ARMC1: variants seen among roughly 807,000 people sequenced by gnomAD.
The protein encoded by ARMC1 is armadillo repeat-containing protein 1.
In ARMC1, 16 loss-of-function variants were observed where a neutral mutation model predicts 31.4. The ratio of observed to expected loss-of-function variants is 0.51; its 90% CI spans 0.34 to 0.77. The LOEUF (loss-of-function observed/expected upper bound fraction) is 0.77. Ranked by LOEUF, ARMC1 falls within the 30% of genes least tolerant of loss-of-function variation. The pLI is 0.01. For missense variants in ARMC1, 259 were observed against 347.5 expected, an observed-to-expected ratio of 0.75 and a Z score of 2.02; for synonymous variants, 114 against 118.9, an observed-to-expected ratio of 0.96 and a Z score of 0.27.
intron 1 of ARMC1, among the ~76,000 whole-genome samples, chr8:65,629,687 T>C (rs1259002282): frequency 6.6e-6 from 1 of 150,834 alleles, no homozygotes; most frequent in East Asian, 2.0e-4. Flanking sequence ...TAATCCCAGC[T>C]ACTCGGGAGG....
At chr8:65,620,799 T>TAAAAAAAAAAAAAC (rs112946805) in intron 3 of ARMC1, among the ~76,000 whole-genome samples, 1 of 139,144 alleles carries the variant, frequency 7.2e-6, no homozygotes, top group African/African-American at 2.7e-5. Flanking sequence ...TAGTTCCATT[T>TAAAAAAAAAAAAAC]AAAAAAAAAC....
chr8:65,627,023 TA>T (rs144015307), intron 2 of ARMC1, among the ~76,000 whole-genome samples, 192 bp downstream of exon 2: 6,263 of 151,504 alleles, frequency 0.041, 188 homozygotes, highest in Non-Finnish European at 0.062. Flanking sequence ...AAATAAAGAA[TA>T]AAAACAATGT....
chr8:65,623,231 C>T lies in ARMC1; in HGVS notation c.184-877G>A, dbSNP rs575590602. 5.1e-3 allele frequency among the ~76,000 whole-genome samples: 666 copies of T among 130,276 alleles called. 4 individuals carry two copies. Among genetic ancestry groups the T allele is most frequent in the African/African-American group, 0.018 (617 of 33,576 alleles). 85.5% of individuals were successfully genotyped at this position (130,276 alleles called of 152,430 possible). A position where few individuals can be genotyped will look rare whatever the true frequency, so the allele number is the denominator to read the frequency against. ...GCTGAGGCAGGAGAATTGCTTGAAC[C>T]GGGGAGGCGGAGGTTGCAGTGAGCC... On this transcript the variant is annotated intron_variant, in intron 2 of 6. Transcript: ENST00000276569.
At chr8:65,626,092 C>A (rs1041531958) in intron 2 of ARMC1, among the ~76,000 whole-genome samples, 18 of 151,980 alleles carry the variant, frequency 1.2e-4, no homozygotes, top group South Asian at 6.2e-4. Context: ...GGTTTCACTA[C>A]GTTGGCCAAG....
chr8:65,632,538 G>A (rs1284935979), intron 1 of ARMC1, among the ~76,000 whole-genome samples: 1 of 152,032 alleles, frequency 6.6e-6, no homozygotes, highest in African/African-American at 2.4e-5. Context: ...GCGTGAAACC[G>A]GGAGGCGGAA....
intron 1 of ARMC1, among the ~76,000 whole-genome samples, chr8:65,628,452 G>A (rs1458128956): frequency 7.9e-6 from 1 of 126,816 alleles, no homozygotes; most frequent in African/African-American, 3.0e-5. Context: ...TCACCATGTT[G>A]GTCAGGCTGG....
chr8:65,631,471 T>G (rs1411552192), intron 1 of ARMC1, among the ~76,000 whole-genome samples: 1 of 152,154 alleles, frequency 6.6e-6, no homozygotes, highest in Non-Finnish European at 1.5e-5. Context: ...TGACCTCAGG[T>G]GACCCACCCT....
rs1469537233 is a variant in ARMC1 at position 65,603,362 on chromosome 8, C to T, written c.*1032G>A. On this transcript the variant is annotated 3_prime_UTR_variant, in exon 7 of 7. Transcript: ENST00000276569. Reference sequence around the variant, plus strand: ...GTCTTTTTCATTCAACACAACGCAGCATTTTCATAATAAATTCACAAAAGA... The same window carrying T: ...GTCTTTTTCATTCAACACAACGCAGTATTTTCATAATAAATTCACAAAAGA... The T allele has an allele frequency of 1.3e-5, 2 of 152,130 alleles. No homozygotes were observed. Among genetic ancestry groups the T allele is most frequent in the African/African-American group, 4.8e-5 (2 of 41,426 alleles). The allele number at this position is 152,130 out of a possible 1,614,324, so 9.4% of individuals were successfully genotyped here.
At chr8:65,630,772 T>C (rs1317158374) in intron 1 of ARMC1, among the ~76,000 whole-genome samples, 1 of 151,768 alleles carries the variant, frequency 6.6e-6, no homozygotes, top group Admixed American at 6.6e-5. Context: ...TGAGCCGAGA[T>C]AGTGCCATTG....
intron 4 of ARMC1, among the ~76,000 whole-genome samples, chr8:65,606,812 T>C (rs1808015206): frequency 6.6e-6 from 1 of 152,328 alleles, no homozygotes; most frequent in East Asian, 1.9e-4. Flanking sequence ...AACTCCAATA[T>C]GACTTTCTTA....
At chr8:65,611,773 T>C (rs1808146366) in intron 4 of ARMC1, among the ~76,000 whole-genome samples, 1 of 152,026 alleles carries the variant, frequency 6.6e-6, no homozygotes, top group Non-Finnish European at 1.5e-5. Flanking sequence ...ACTTTCACTT[T>C]TTTTTTCTTT....
chr8:65,617,121 G>A (rs1175719962), intron 3 of ARMC1, among the ~76,000 whole-genome samples: 1 of 152,272 alleles, frequency 6.6e-6, no homozygotes, highest in Non-Finnish European at 1.5e-5. Context: ...TCTGGGAGGT[G>A]TACCCAACAG....
At chr8:65,629,472 A>G (rs760827809) in intron 1 of ARMC1, among the ~76,000 whole-genome samples, 1 of 152,140 alleles carries the variant, frequency 6.6e-6, no homozygotes, top group Non-Finnish European at 1.5e-5. Context: ...GGTTTTTTTG[A>G]CATCTATTGC....
chr8:65,612,943 C>G (rs1310657123), intron 4 of ARMC1, among the ~76,000 whole-genome samples: 1 of 151,968 alleles, frequency 6.6e-6, no homozygotes, highest in African/African-American at 2.4e-5. Context: ...CTTCTATATC[C>G]TTACTGATTT....
intron 1 of ARMC1, among the ~76,000 whole-genome samples, chr8:65,630,958 TGAGACTATTGTACA>T (rs897299781): frequency 1.5e-4 from 23 of 152,342 alleles, no homozygotes; most frequent in Non-Finnish European, 2.4e-4. Context: ...TTTCAAATCC[TGAGACTATTGTACA>T]GTATTTTCGA....
chr8:65,615,105 C>G lies in ARMC1; in HGVS notation c.276-1672G>C, dbSNP rs145606428. Among the ~76,000 whole-genome samples the G allele has an allele frequency of 7.0e-4, 107 of 152,178 alleles. 1 individual carries two copies. The East Asian group carries it at 0.02, about 28-fold the overall frequency. On this transcript the variant is annotated intron_variant, in intron 3 of 6. Transcript: ENST00000276569. ...TTGTATATGTTCTAGCTACTTAGAG[C>G]TTTAATTCCAGGGGTGATAATCTGA...
chr8:65,627,165 A>C, intron 2 of ARMC1, 51 bp downstream of exon 2: 2 of 1,490,414 alleles, frequency 1.3e-6, no homozygotes, highest in Non-Finnish European at 1.8e-6. Context: ...CCAAATTCTC[A>C]CCTTAACTGC....
At chr8:65,619,841 G>A (rs902572183) in intron 3 of ARMC1, among the ~76,000 whole-genome samples, 33 of 151,844 alleles carry the variant, frequency 2.2e-4, no homozygotes, top group African/African-American at 6.3e-4. Flanking sequence ...AAAATTAGCC[G>A]GGCATGGTGG....
Position 65,605,463 on chromosome 8 carries a change from G to C in ARMC1, c.541C>G (p.Gln181Glu). The change falls in exon 5 of 7, where the codon CAA becomes GAA. Residue 181 changes from glutamine to glutamate, a missense_variant. This residue lies in a region of ARMC1 where 23 missense variants were observed against 60.8 expected (regional missense o/e 0.38). Coordinates refer to ENST00000276569, the MANE Select transcript of ARMC1 (RefSeq NM_018120.6). Reference sequence around the variant, plus strand: ...GAACGGATTCGCACCACACACCTTTGAACAGCCATTTGAAAAGTAAAGCTA... The same window carrying C: ...GAACGGATTCGCACCACACACCTTTCAACAGCCATTTGAAAAGTAAAGCTA... Reference protein sequence around the residue: ...VISFTFQMAVQRCVVRIRSDL... With the variant: ...VISFTFQMAVERCVVRIRSDL... 1 of 1,614,042 alleles carries C rather than the reference G, an allele frequency of 6.2e-7. No homozygotes were observed. The highest frequency in any genetic ancestry group is 1.1e-5 in the South Asian group (1 of 91,060).
Sources: gnomAD v4.1 joint callset for allele counts (sites outside exome capture counted in the v4.1 genomes callset) on GRCh38, gnomAD v4.1.1 for gene constraint, gnomAD v4.1.1 regional missense constraint, MANE v1.5 for transcripts, NCBI Gene and HGNC (gene_info 2026-07-23, HGNC 2026-07-21) for gene names.